The following NR2F1-AS1 variants were observed in gnomAD, a reference collection of about 807,000 sequenced individuals.
The protein encoded by NR2F1-AS1 is NR2F1 antisense RNA 1.
intron 4 of NR2F1-AS1, among the ~76,000 whole-genome samples, chr5:93,429,304 A>T (rs149582434): frequency 4.1e-3 from 628 of 152,322 alleles, no homozygotes; most frequent in Middle Eastern, 0.02. Context: ...ACTTCCTTGC[A>T]AGGGATGACT....
chr5:93,474,921 C>T (rs1234912560), intron 4 of NR2F1-AS1, among the ~76,000 whole-genome samples: 1 of 152,074 alleles, frequency 6.6e-6, no homozygotes, highest in Non-Finnish European at 1.5e-5. Flanking sequence ...GTCAGGAGAT[C>T]GAGACCATCC....
At chr5:93,515,727 T>C (rs182670710) in intron 4 of NR2F1-AS1, among the ~76,000 whole-genome samples, 8 of 152,010 alleles carry the variant, frequency 5.3e-5, no homozygotes, top group Admixed American at 2.0e-4. Context: ...GTCTGCAGTA[T>C]AAATTGGGCC....
intron 4 of NR2F1-AS1, among the ~76,000 whole-genome samples, chr5:93,449,486 T>C (rs961409815): frequency 6.6e-6 from 1 of 152,210 alleles, no homozygotes; most frequent in East Asian, 1.9e-4. Context: ...TACTAGACCA[T>C]TTATTAAATA....
Position 93,547,534 on chromosome 5 carries a change from T to C in NR2F1-AS1, n.638+6227A>G, listed in dbSNP as rs972115189. Among the ~76,000 whole-genome samples the C allele has an allele frequency of 5.9e-5, 9 of 152,218 alleles. No individual in the cohort carries two copies. In the East Asian group the frequency reaches 1.7e-3, roughly 29 times the overall value. ...GAATTATTTTACATATTATCTATAA[T>C]ATCAACAGCAAGGAGGCCTAGAATA... On this transcript the variant is annotated intron_variant and non_coding_transcript_variant, in intron 4 of 5. Coordinates refer to ENST00000660523, the Ensembl canonical transcript of NR2F1-AS1.
At chr5:93,502,472 C>T (rs1224861927) in intron 4 of NR2F1-AS1, among the ~76,000 whole-genome samples, 1 of 152,060 alleles carries the variant, frequency 6.6e-6, no homozygotes, top group Non-Finnish European at 1.5e-5. Context: ...AACGTAGAAA[C>T]TGAACCTAGG....
chr5:93,502,836 A>G (rs895413509), intron 4 of NR2F1-AS1, among the ~76,000 whole-genome samples: 1 of 152,234 alleles, frequency 6.6e-6, no homozygotes, highest in African/African-American at 2.4e-5. Flanking sequence ...GTTATAGTGT[A>G]ATTGCTAAGA....
intron 4 of NR2F1-AS1, among the ~76,000 whole-genome samples, chr5:93,475,698 T>C (rs554449487): frequency 2.2e-4 from 33 of 152,332 alleles, no homozygotes; most frequent in African/African-American, 6.7e-4. Flanking sequence ...CTAAAACTCA[T>C]ATGATGAAAG....
intron 4 of NR2F1-AS1, among the ~76,000 whole-genome samples, chr5:93,466,737 G>A (rs1299764647): frequency 6.6e-6 from 1 of 151,468 alleles, no homozygotes; most frequent in Non-Finnish European, 1.5e-5. Flanking sequence ...ATGTCAAAAA[G>A]AACATTGACA....
chr5:93,511,350 C>T (rs894954698), intron 4 of NR2F1-AS1, among the ~76,000 whole-genome samples: 1 of 152,136 alleles, frequency 6.6e-6, no homozygotes, highest in Non-Finnish European at 1.5e-5. Flanking sequence ...GGATTTACAC[C>T]ATCAGCTCAC....
chr5:93,489,429 A>AT (rs1439238229), intron 4 of NR2F1-AS1, among the ~76,000 whole-genome samples: 37 of 151,890 alleles, frequency 2.4e-4, no homozygotes, highest in African/African-American at 8.7e-4. Context: ...ATATATATAT[A>AT]TATTTTTAGG....
chr5:93,481,483 C>G (rs1200088154), intron 4 of NR2F1-AS1, among the ~76,000 whole-genome samples: 1 of 151,928 alleles, frequency 6.6e-6, no homozygotes, highest in Non-Finnish European at 1.5e-5. Context: ...CAATAGCCCA[C>G]TTTTAGTAAT....
intron 4 of NR2F1-AS1, among the ~76,000 whole-genome samples, chr5:93,479,985 T>C (rs573385662): frequency 6.6e-6 from 1 of 152,124 alleles, no homozygotes; most frequent in East Asian, 1.9e-4. Flanking sequence ...CCCAGTCTTA[T>C]GAACAGACAA....
chr5:93,465,497 T>C (rs1271502575), intron 4 of NR2F1-AS1, among the ~76,000 whole-genome samples: 16 of 152,298 alleles, frequency 1.1e-4, no homozygotes, highest in South Asian at 6.2e-4. Context: ...TTAGTTCAAC[T>C]ATTGTGGAAG....
chr5:93,462,627 C>G (rs1337814276), intron 4 of NR2F1-AS1, among the ~76,000 whole-genome samples: 1 of 152,126 alleles, frequency 6.6e-6, no homozygotes, highest in Non-Finnish European at 1.5e-5. Context: ...AAGTTTGAAA[C>G]TTCCTAGAGA....
chr5:93,410,068 C>T (rs1480932762), intron 4 of NR2F1-AS1: 1 of 152,202 alleles, frequency 6.6e-6, no homozygotes, highest in African/African-American at 2.4e-5. Context: ...CTGGTATCTA[C>T]AGTTATATCA....
intron 1 of NR2F1-AS1, among the ~76,000 whole-genome samples, chr5:93,566,528 G>A (rs1752622074): frequency 6.6e-6 from 1 of 151,992 alleles, no homozygotes; most frequent in South Asian, 2.1e-4. Context: ...TTAAATATAT[G>A]CAAAACGCTA....
intron 4 of NR2F1-AS1, among the ~76,000 whole-genome samples, chr5:93,486,471 C>G (rs1031172365): frequency 6.6e-6 from 1 of 151,988 alleles, no homozygotes; most frequent in African/African-American, 2.4e-5. Flanking sequence ...AACACCTCTA[C>G]GCAAATAAAC....
chr5:93,552,602 C>T (rs937467359), intron 4 of NR2F1-AS1, among the ~76,000 whole-genome samples: 2 of 151,206 alleles, frequency 1.3e-5, no homozygotes, highest in Admixed American at 6.6e-5. Flanking sequence ...GAGCATCAGT[C>T]CTACAAATTT....
Position 93,468,017 on chromosome 5 carries a change from G to A in NR2F1-AS1, n.639-72475C>T, listed in dbSNP as rs189794228. Among the ~76,000 whole-genome samples the A allele has an allele frequency of 7.2e-5, 11 of 152,250 alleles. No homozygotes were observed. In the South Asian group the frequency reaches 1.7e-3, roughly 23 times the overall value. On this transcript the variant is annotated intron_variant and non_coding_transcript_variant, in intron 4 of 5. Transcript: ENST00000660523. The stretch of plus-strand genomic sequence containing the variant: ...TTTTATGGCTGCATAGTATTCCATG[G>A]TGTATATGTGTCACATTTTCTTAAT...
Sources: allele counts gnomAD v4.1 joint callset (sites outside exome capture counted in the v4.1 genomes callset), GRCh38; gene constraint gnomAD v4.1.1; transcripts MANE v1.5; gene names NCBI Gene and HGNC (gene_info 2026-07-23, HGNC 2026-07-21).